The following SORCS1 variants were observed in gnomAD, a reference collection of about 807,000 sequenced individuals.
SORCS1 encodes the protein sortilin related VPS10 domain containing receptor 1.
Under a neutral mutation model 146.1 loss-of-function variants are expected in SORCS1, and 60 were observed. The ratio of observed to expected loss-of-function variants is 0.41; its 90% CI spans 0.33 to 0.51. SORCS1 has a LOEUF of 0.51. SORCS1 is among the 20% of genes least tolerant of loss of function. SORCS1 has a pLI of 0.21. For missense variants in SORCS1, 1,352 were observed against 1,487.6 expected, an observed-to-expected ratio of 0.91 and a Z score of 1.50; for synonymous variants, 637 against 584.0, an observed-to-expected ratio of 1.09 and a Z score of -1.31.
At chr10:106,973,531 G>C (rs1455247624) in intron 1 of SORCS1, among the ~76,000 whole-genome samples, 1 of 152,200 alleles carries the variant, frequency 6.6e-6, no homozygotes, top group African/African-American at 2.4e-5. Flanking sequence ...GAATAAGACT[G>C]CAAGGGGGTC....
intron 1 of SORCS1, among the ~76,000 whole-genome samples, chr10:107,104,560 G>C (rs1300215345): frequency 6.6e-6 from 1 of 152,098 alleles, no homozygotes; most frequent in Non-Finnish European, 1.5e-5. Flanking sequence ...AGGAACATAA[G>C]TGTGATGTTC....
chr10:106,750,022 T>A (rs1393852947), intron 5 of SORCS1, among the ~76,000 whole-genome samples: 1 of 152,106 alleles, frequency 6.6e-6, no homozygotes, highest in African/African-American at 2.4e-5. Context: ...TCAAAATCGA[T>A]GATTGAATGA....
chr10:106,989,271 G>GAAA lies in SORCS1; in HGVS notation c.559-32694_559-32692dup, dbSNP rs1161174866. Among the ~76,000 whole-genome samples, 42 of 75,670 alleles carry GAAA rather than the reference G, an allele frequency of 5.6e-4. 1 individual carries two copies. The highest frequency in any genetic ancestry group is 2.7e-3 in the African/African-American group (42 of 15,622). 49.6% of individuals were successfully genotyped at this position (75,670 alleles called of 152,430 possible). ...GGTGTCAGTGAAAGGCTCCACCTCA[G>GAAA]AAAAAAAAAAAAAAAAAAAAAAAAA... On this transcript the variant is annotated intron_variant, in intron 1 of 25. Transcript: ENST00000263054.
chr10:106,779,296 G>T (rs925104394), intron 3 of SORCS1, among the ~76,000 whole-genome samples: 1 of 151,928 alleles, frequency 6.6e-6, no homozygotes, highest in Non-Finnish European at 1.5e-5. Flanking sequence ...TTAAATTTCT[G>T]TTCAATTCTA....
intron 1 of SORCS1, among the ~76,000 whole-genome samples, chr10:107,109,111 CTT>C (rs1056317251): frequency 6.6e-6 from 1 of 152,210 alleles, no homozygotes; most frequent in African/African-American, 2.4e-5. Context: ...GTGCCTGAGA[CTT>C]TTCCAGGGGC....
At chr10:106,931,740 T>C (rs991930445) in intron 2 of SORCS1, among the ~76,000 whole-genome samples, 9 of 152,216 alleles carry the variant, frequency 5.9e-5, no homozygotes, top group African/African-American at 1.9e-4. Context: ...CACTCTGCCC[T>C]GGTAAATTAT....
intron 2 of SORCS1, among the ~76,000 whole-genome samples, chr10:106,844,785 T>A (rs1286593734): frequency 1.5e-5 from 2 of 131,052 alleles, no homozygotes; most frequent in African/African-American, 5.7e-5. Flanking sequence ...CCTGTGTCCA[T>A]GTGATCTCAT....
intron 1 of SORCS1, among the ~76,000 whole-genome samples, chr10:107,147,246 T>C (rs1968407095): frequency 1.3e-5 from 2 of 152,210 alleles, no homozygotes; most frequent in Admixed American, 6.5e-5. Context: ...CCTCGTCATT[T>C]TTCAAACGTT....
intron 1 of SORCS1, among the ~76,000 whole-genome samples, chr10:107,055,721 G>C (rs933928205): frequency 6.6e-6 from 1 of 152,112 alleles, no homozygotes; most frequent in Non-Finnish European, 1.5e-5. Flanking sequence ...TAATACGGCT[G>C]AACATTTCTA....
intron 1 of SORCS1, among the ~76,000 whole-genome samples, chr10:106,987,544 T>C (rs780114050): frequency 6.6e-6 from 1 of 152,224 alleles, no homozygotes; most frequent in Admixed American, 6.5e-5. Context: ...GCTCTCTTCT[T>C]GGCGCATAGC....
At chr10:106,824,588 CAAAAA>C (rs397846847) in intron 3 of SORCS1, among the ~76,000 whole-genome samples, 14 of 71,190 alleles carry the variant, frequency 2.0e-4, no homozygotes, top group African/African-American at 6.5e-4. Flanking sequence ...GACTTCATCT[CAAAAA>C]AAAAAAAAAA....
At chr10:106,728,669 C>T (rs1856378914) in intron 6 of SORCS1, among the ~76,000 whole-genome samples, 1 of 152,166 alleles carries the variant, frequency 6.6e-6, no homozygotes, top group Non-Finnish European at 1.5e-5. Flanking sequence ...TAGGGTTGAC[C>T]TGCTTTGTTT....
intron 1 of SORCS1, among the ~76,000 whole-genome samples, chr10:106,989,811 C>T (rs946948603): frequency 6.0e-5 from 9 of 150,892 alleles, no homozygotes; most frequent in South Asian, 2.1e-4. Flanking sequence ...CTCAGCCTCC[C>T]GAGTGGCTGG....
In SORCS1 at chr10:107,102,661, T is replaced by C. The variant is rs79164032; in HGVS notation, c.558+61308A>G. Among the ~76,000 whole-genome samples, 989 of 152,310 alleles carry C rather than the reference T, an allele frequency of 6.5e-3. 3 individuals carry two copies. The highest frequency in any genetic ancestry group is 0.011 in the Non-Finnish European group (718 of 68,024). On this transcript the variant is annotated intron_variant, in intron 1 of 25. Transcript: ENST00000263054. ...AAAGCCTTACAAAACCAGAAGACTC[T>C]GAGCATCTACATCTTACATGCAAAG...
chr10:107,070,564 T>C (rs1962330109), intron 1 of SORCS1, among the ~76,000 whole-genome samples: 1 of 152,210 alleles, frequency 6.6e-6, no homozygotes, highest in African/African-American at 2.4e-5. Flanking sequence ...ATTTGGTGGC[T>C]ACAAAATCAG....
chr10:106,827,463 T>C (rs1349278920), intron 3 of SORCS1, among the ~76,000 whole-genome samples: 1 of 152,200 alleles, frequency 6.6e-6, no homozygotes, highest in African/African-American at 2.4e-5. Flanking sequence ...TACTAGAATA[T>C]AGGACCTCTG....
chr10:106,598,929 A>G (rs1846069580), intron 23 of SORCS1, among the ~76,000 whole-genome samples: 1 of 152,254 alleles, frequency 6.6e-6, no homozygotes, highest in Non-Finnish European at 1.5e-5. Context: ...CCTGGGATCC[A>G]GAGCAAGCCC....
At chr10:107,114,773 A>G (rs1272279217) in intron 1 of SORCS1, among the ~76,000 whole-genome samples, 1 of 152,152 alleles carries the variant, frequency 6.6e-6, no homozygotes, top group African/African-American at 2.4e-5. Context: ...TGTGATAATA[A>G]GAAAGAAAAT....
At chr10:106,990,401 C>G (rs1825360242) in intron 1 of SORCS1, among the ~76,000 whole-genome samples, 1 of 152,112 alleles carries the variant, frequency 6.6e-6, no homozygotes, top group Non-Finnish European at 1.5e-5. Context: ...TCCTGAGTAC[C>G]TGGGATTACA....
Sources: gnomAD v4.1 joint callset for allele counts (sites outside exome capture counted in the v4.1 genomes callset) on GRCh38, gnomAD v4.1.1 for gene constraint, MANE v1.5 for transcripts, NCBI Gene and HGNC (gene_info 2026-07-23, HGNC 2026-07-21) for gene names.